MERTK: variants seen among roughly 807,000 people sequenced by gnomAD.
MERTK encodes MER proto-oncogene, tyrosine kinase, also known as tyrosine-protein kinase Mer.
Under a neutral mutation model 99.3 loss-of-function variants are expected in MERTK, and 69 were observed. The observed-to-expected ratio is 0.70, with a 90% CI of 0.57 to 0.85. The LOEUF (loss-of-function observed/expected upper bound fraction) is 0.85, where lower values mean the gene tolerates loss of function less well. MERTK is among the 40% of genes least tolerant of loss of function. MERTK has a pLI of 0.00. For missense variants in MERTK, 1,125 were observed against 1,249.4 expected (o/e 0.90, Z 1.50); for synonymous variants, 426 against 467.6 (o/e 0.91, Z 1.15).
At chr2:111,950,704 A>G (rs1437481583) in intron 4 of MERTK, among the ~76,000 whole-genome samples, 1 of 152,214 alleles carries the variant, frequency 6.6e-6, no homozygotes, top group African/African-American at 2.4e-5. Context: ...TCTTGTGCTT[A>G]TTAATCAGTC....
At chr2:111,970,173 T>A (rs1443293771) in intron 6 of MERTK, among the ~76,000 whole-genome samples, 7 of 152,084 alleles carry the variant, frequency 4.6e-5, no homozygotes, top group Non-Finnish European at 1.5e-5. Context: ...TTTTTTTAAT[T>A]TGAGACGTAG....
intron 1 of MERTK, among the ~76,000 whole-genome samples, chr2:111,919,957 G>A (rs1432390797): frequency 6.6e-6 from 1 of 151,952 alleles, no homozygotes; most frequent in Non-Finnish European, 1.5e-5. Flanking sequence ...CTTTCCTGGT[G>A]TGCCAGGTCC....
intron 1 of MERTK, among the ~76,000 whole-genome samples, chr2:111,925,294 T>TATA (rs1573574648): frequency 3.9e-4 from 13 of 33,498 alleles, no homozygotes; most frequent in African/African-American, 6.8e-4. Flanking sequence ...ATATATATAT[T>TATA]TTTTTTTTTT....
At chr2:111,975,262 C>G (rs368893818) in intron 6 of MERTK, 27 bp from the exon 7 acceptor site, 12 of 1,612,998 alleles carry the variant, frequency 7.4e-6, no homozygotes, top group Non-Finnish European at 9.3e-6. Context: ...TACTAATGCC[C>G]GGTCCTCATG....
chr2:111,905,695 C>T (rs937694764), intron 1 of MERTK, among the ~76,000 whole-genome samples: 2 of 152,104 alleles, frequency 1.3e-5, no homozygotes, highest in Admixed American at 6.5e-5. Flanking sequence ...TCTCGAACTC[C>T]TGGCCTCAGG....
At chr2:111,935,675 G>A (rs1182345223) in intron 2 of MERTK, among the ~76,000 whole-genome samples, 1 of 118,830 alleles carries the variant, frequency 8.4e-6, no homozygotes, top group Non-Finnish European at 1.9e-5. Flanking sequence ...GTGTGTGTGT[G>A]TGTGTGTGTG....
At chr2:111,942,677 G>T (rs900070641) in intron 2 of MERTK, among the ~76,000 whole-genome samples, 1 of 152,156 alleles carries the variant, frequency 6.6e-6, no homozygotes, top group African/African-American at 2.4e-5. Flanking sequence ...TTCATCAGGT[G>T]CATTCCAAAA....
At chr2:111,909,616 AT>A (rs1243656101) in intron 1 of MERTK, among the ~76,000 whole-genome samples, 4 of 152,218 alleles carry the variant, frequency 2.6e-5, no homozygotes, top group Non-Finnish European at 5.9e-5. Flanking sequence ...TTAGTTATAG[AT>A]TAGAAGAAGT....
intron 7 of MERTK, among the ~76,000 whole-genome samples, chr2:111,976,522 CTGTGTGTGTG>C (rs70962971): frequency 0.22 from 29,581 of 136,652 alleles, 3,369 homozygotes; most frequent in South Asian, 0.28. Context: ...TGACAAAAAC[CTGTGTGTGTG>C]TGTGTGTGTG....
chr2:111,907,619 A>T (rs1254513597), intron 1 of MERTK, among the ~76,000 whole-genome samples: 4 of 152,126 alleles, frequency 2.6e-5, no homozygotes, highest in Non-Finnish European at 1.5e-5. Flanking sequence ...AGACAGAGGG[A>T]TGGACTAAGC....
At chr2:112,000,131 G>A in intron 10 of MERTK, among the ~76,000 whole-genome samples, 1 of 152,192 alleles carries the variant, frequency 6.6e-6, no homozygotes, top group East Asian at 1.9e-4. Flanking sequence ...ATCAGGTAAG[G>A]CAGGAACTGG....
intron 4 of MERTK, among the ~76,000 whole-genome samples, chr2:111,957,581 T>C (rs978546046): frequency 6.6e-6 from 1 of 152,176 alleles, no homozygotes; most frequent in African/African-American, 2.4e-5. Flanking sequence ...ATCTTACTTA[T>C]CAAGGTTATT....
Position 112,028,874 on chromosome 2 carries a change from C to T in MERTK, c.*10C>T, listed in dbSNP as rs759836428. 20 of 1,613,314 alleles carry T rather than the reference C, an allele frequency of 1.2e-5. No individual in the cohort carries two copies. Among genetic ancestry groups the T allele is most frequent in the East Asian group, 8.9e-5 (4 of 44,882 alleles). On this transcript the variant is annotated 3_prime_UTR_variant, in exon 19 of 19. Transcript: ENST00000295408. ...AGAAGTCCTGATGTGAGGAGAGGTG[C>T]GGGGAGACATTCCAAAAATCAAGCC...
At chr2:112,011,394 A>C (rs1677100499) in intron 15 of MERTK, among the ~76,000 whole-genome samples, 1 of 152,164 alleles carries the variant, frequency 6.6e-6, no homozygotes, top group African/African-American at 2.4e-5. Context: ...AGGGTCAGCC[A>C]GGTCGCTTTT....
At position 111,968,156 on chromosome 2, in the gene MERTK, T is replaced by A; in HGVS notation, c.864T>A (p.Thr288=). 2.5e-6 allele frequency: 4 copies of A among 1,613,840 alleles called. No individual in the cohort carries two copies. The highest frequency in any genetic ancestry group is 3.4e-6 in the Non-Finnish European group (4 of 1,179,830). The change falls in exon 6 of 19, where the codon ACT becomes ACA. Residue 288 remains threonine, a synonymous_variant. Coordinates refer to ENST00000295408, the MANE Select transcript of MERTK (RefSeq NM_006343.3). The stretch of plus-strand genomic sequence containing the variant: ...ATGCAGCAATTCCCTCCCCACCAAC[T>A]GAAGTCAGCATCCGTAACAGCACTG... ...INIKAIPSPP[T]EVSIRNSTAH...
intron 3 of MERTK, 98 bp downstream of exon 3, chr2:111,945,158 A>T: frequency 2.1e-6 from 2 of 934,014 alleles, no homozygotes; most frequent in Non-Finnish European, 1.7e-6. Context: ...TTGCCTGCCT[A>T]TTTATAACTC....
intron 15 of MERTK, among the ~76,000 whole-genome samples, chr2:112,014,564 G>C (rs1677178446): frequency 6.6e-6 from 1 of 152,184 alleles, no homozygotes; most frequent in African/African-American, 2.4e-5. Context: ...AAAATACACA[G>C]GGCTATTTGG....
intron 1 of MERTK, among the ~76,000 whole-genome samples, chr2:111,905,700 C>T (rs1193111251): frequency 6.6e-6 from 1 of 152,030 alleles, no homozygotes. Context: ...AACTCCTGGC[C>T]TCAGGTGATT....
intron 6 of MERTK, 56 bp downstream of exon 6, chr2:111,968,308 G>A: frequency 7.0e-7 from 1 of 1,432,170 alleles, no homozygotes; most frequent in Non-Finnish European, 9.8e-7. Context: ...GTGGGTTTAA[G>A]GATTTTTCTT....
Sources: allele counts gnomAD v4.1 joint callset (sites outside exome capture counted in the v4.1 genomes callset), GRCh38; gene constraint gnomAD v4.1.1; transcripts MANE v1.5; gene names NCBI Gene and HGNC (gene_info 2026-07-23, HGNC 2026-07-21).